The following SLC1A6 variants were observed in gnomAD, a reference collection of about 807,000 sequenced individuals.
The protein encoded by SLC1A6 is solute carrier family 1 member 6.
SLC1A6 carries 15 observed loss-of-function variants against 42.1 expected under a neutral mutation model. The ratio of observed to expected loss-of-function variants is 0.36; its 90% CI spans 0.24 to 0.55. SLC1A6 has a LOEUF of 0.55. Among genes scored for constraint, SLC1A6 ranks in the 20% least tolerant of loss-of-function variants. The pLI is 0.88. For missense variants in SLC1A6, 542 were observed against 772.5 expected (o/e 0.70, Z 3.54); for synonymous variants, 317 against 319.7 (o/e 0.99, Z 0.09).
In SLC1A6 at chr19:14,979,491, G is replaced by A. The variant is rs1231310969; in HGVS notation, c.-190C>T. Reference sequence around the variant, plus strand: ...CGCAGCCACACCGAGTCCCCGCGCCGAGCCGCGGAGTCCCCACTCACCGGC... The same window carrying A: ...CGCAGCCACACCGAGTCCCCGCGCCAAGCCGCGGAGTCCCCACTCACCGGC... On this transcript the variant is annotated 5_prime_UTR_variant, in exon 1 of 10. Transcript: ENST00000594383. This position sits in a 1 kb window ranked among gnomAD's most constrained non-coding sequence, Gnocchi z 4.2. 6.6e-6 allele frequency: 1 copy of A among 151,724 alleles called. No individual in the cohort carries two copies. Among genetic ancestry groups the A allele is most frequent in the Non-Finnish European group, 1.5e-5 (1 of 67,930 alleles). 9.4% of individuals were successfully genotyped at this position (151,724 alleles called of 1,614,324 possible).
chr19:14,972,734 A>C lies in SLC1A6; in HGVS notation c.177T>G (p.Ile59Met). 1 of 1,614,002 alleles carries C rather than the reference A, an allele frequency of 6.2e-7. No homozygotes were observed. The highest frequency in any genetic ancestry group is 8.5e-7 in the Non-Finnish European group (1 of 1,180,034). Reference protein sequence around the residue: ...VLRFLRRNAFILLTVSAVVIG... With the variant: ...VLRFLRRNAFMLLTVSAVVIG... ...TGACCACGGCGCTGACCGTCAGCAG[A>C]ATGAAGGCGTTTCGGCGCAGGAAGC... is the stretch of plus-strand genomic sequence containing the variant. Residue 59 changes from isoleucine (I) to methionine (M), a missense_variant, in exon 2 of 10, where the codon ATT becomes ATG. Ile to Met is a conservative substitution (Grantham distance 10, BLOSUM62 1). This residue lies in a region of SLC1A6 where 88 missense variants were observed against 85.5 expected (regional missense o/e 1.03). Transcript: ENST00000594383.
intron 4 of SLC1A6, among the ~76,000 whole-genome samples, chr19:14,966,959 AG>A (rs376111605): frequency 5.5e-4 from 84 of 152,320 alleles, no homozygotes; most frequent in African/African-American, 2.0e-3. Flanking sequence ...ACGGGTTGAT[AG>A]GTGCTGCAAA....
intron 4 of SLC1A6, 67 bp downstream of exon 4, chr19:14,968,235 TA>T: frequency 7.6e-7 from 1 of 1,311,426 alleles, no homozygotes; most frequent in Non-Finnish European, 1.1e-6. Context: ...TTGCAGGCTA[TA>T]ATCTTTTACA....
chr19:14,989,752 C>CA (rs1362579694), intron 1 of SLC1A6, among the ~76,000 whole-genome samples: 5 of 67,532 alleles, frequency 7.4e-5, no homozygotes, highest in African/African-American at 3.1e-4. Context: ...AGTGGGGTGG[C>CA]GGGGGGTGGG....
intron 1 of SLC1A6, among the ~76,000 whole-genome samples, chr19:14,989,130 G>A (rs967846790): frequency 2.0e-5 from 3 of 152,250 alleles, no homozygotes; most frequent in African/African-American, 7.2e-5. Context: ...GGAGGGTCGG[G>A]GGCTGAGGGA....
At chr19:14,990,358 T>TGA (rs1423959989) in intron 1 of SLC1A6, among the ~76,000 whole-genome samples, 1 of 152,180 alleles carries the variant, frequency 6.6e-6, no homozygotes, top group Non-Finnish European at 1.5e-5. Flanking sequence ...CACTTACATG[T>TGA]GGAATCTAAA....
At chr19:14,981,577 G>A (rs1188640359), upstream of SLC1A6, among the ~76,000 whole-genome samples, 1 of 152,110 alleles carries the variant, frequency 6.6e-6, no homozygotes, top group Non-Finnish European at 1.5e-5. Flanking sequence ...TGCCTCTTAC[G>A]GTCATTCACT....
chr19:14,998,981 C>T (rs921963249), intron 1 of SLC1A6, among the ~76,000 whole-genome samples: 1 of 151,818 alleles, frequency 6.6e-6, no homozygotes, highest in East Asian at 1.9e-4. Context: ...GGGTTCACGC[C>T]ATTCTCCTGC....
chr19:14,994,653 GA>G (rs1472958509), intron 1 of SLC1A6, among the ~76,000 whole-genome samples: 1 of 152,144 alleles, frequency 6.6e-6, no homozygotes, highest in Middle Eastern at 3.2e-3. Context: ...TTGGCTTTGT[GA>G]AAGTAAAATA....
intron 1 of SLC1A6, among the ~76,000 whole-genome samples, chr19:14,975,698 A>G (rs533992805): frequency 1.3e-5 from 2 of 150,168 alleles, no homozygotes; most frequent in Admixed American, 1.3e-4. Flanking sequence ...GGTTGCAGTG[A>G]GCCAAGATTG....
chr19:14,999,775 G>A (rs939353676), intron 1 of SLC1A6, among the ~76,000 whole-genome samples: 9 of 152,068 alleles, frequency 5.9e-5, no homozygotes, highest in African/African-American at 1.4e-4. Flanking sequence ...AATCATTCTT[G>A]TTTTCACCTT....
At chr19:14,984,418 G>C (rs2045783010), upstream of SLC1A6, among the ~76,000 whole-genome samples, 1 of 152,058 alleles carries the variant, frequency 6.6e-6, no homozygotes. Context: ...CTTCTGCATT[G>C]AATCTGTAAT....
At chr19:14,977,062 A>T (rs1312340514) in intron 1 of SLC1A6, 1 of 151,126 alleles carries the variant, frequency 6.6e-6, no homozygotes, top group African/African-American at 2.4e-5. Flanking sequence ...AAAAAATCCC[A>T]AAGAGTGAAC....
chr19:14,959,968 T>C (rs1208978397), intron 6 of SLC1A6, among the ~76,000 whole-genome samples: 1 of 152,200 alleles, frequency 6.6e-6, no homozygotes, highest in Non-Finnish European at 1.5e-5. Flanking sequence ...AATGTGTCTG[T>C]CTCCCCTAAG....
chr19:14,952,572 G>T (rs571648434), intron 9 of SLC1A6, among the ~76,000 whole-genome samples: 2 of 151,840 alleles, frequency 1.3e-5, no homozygotes, highest in South Asian at 4.2e-4. Flanking sequence ...TTACAGGCAC[G>T]TGCCACCACG....
rs1182110877 is a variant in SLC1A6, at chr19:14,956,594, A to G, written c.1051T>C (p.Phe351Leu). 1.2e-6 allele frequency: 2 copies of G among 1,613,852 alleles called. No individual in the cohort carries two copies. The highest frequency in any genetic ancestry group is 2.2e-5 in the South Asian group (2 of 91,062). The change falls in exon 7 of 10, where the codon TTC becomes CTC. Residue 351 changes from phenylalanine (F) to leucine (L), a missense_variant. By Grantham distance (22) the Phe-to-Leu change is conservative. Coordinates refer to ENST00000594383, the MANE Select transcript of SLC1A6 (RefSeq NM_005071.3). ...MYTLTVIVGL[F>L]LHAGIVLPLI... ...GGAAGGACAATGCCGGCATGGAGGAACAGGCCCACGATGACGGTCAGGGTG... is the reference window on the plus strand; with the variant it reads ...GGAAGGACAATGCCGGCATGGAGGAGCAGGCCCACGATGACGGTCAGGGTG...
At chr19:14,956,792 C>T in intron 6 of SLC1A6, 83 bp from the exon 7 acceptor site, 1 of 860,840 alleles carries the variant, frequency 1.2e-6, no homozygotes, top group Non-Finnish European at 1.9e-6. Context: ...AAGGCTTTGC[C>T]CATATAGGGC....
upstream of SLC1A6, among the ~76,000 whole-genome samples, chr19:14,984,693 C>T (rs899129377): frequency 1.3e-5 from 2 of 152,124 alleles, no homozygotes; most frequent in Non-Finnish European, 2.9e-5. Flanking sequence ...CTCATGCATT[C>T]GTCATTTGAA....
chr19:14,972,496 CATT>C (rs950713070), intron 2 of SLC1A6, among the ~76,000 whole-genome samples: 2 of 152,218 alleles, frequency 1.3e-5, no homozygotes, highest in Non-Finnish European at 2.9e-5. Context: ...ATGCATGTAA[CATT>C]GTGTGCACAC....
Sources: allele counts gnomAD v4.1 joint callset (sites outside exome capture counted in the v4.1 genomes callset), GRCh38; gene constraint gnomAD v4.1.1; regional missense constraint gnomAD v4.1.1; non-coding constraint Gnocchi (gnomAD v3.1); transcripts MANE v1.5; gene names NCBI Gene and HGNC (gene_info 2026-07-23, HGNC 2026-07-21).